The following OR51B5 variants were observed in gnomAD, a reference collection of about 807,000 sequenced individuals.
The protein encoded by OR51B5 is olfactory receptor 51B5.
For missense variants in OR51B5, 456 were observed against 374.6 expected (o/e 1.22, Z -1.79); for synonymous variants, 186 against 144.8 (o/e 1.28, Z -2.04).
intron 1 of OR51B5, among the ~76,000 whole-genome samples, chr11:5,373,187 A>G (rs1849470373): frequency 6.6e-6 from 1 of 152,222 alleles, no homozygotes; most frequent in South Asian, 2.1e-4. Flanking sequence ...ACATAAATGT[A>G]AGACCTGAAA....
chr11:5,505,598 C>A (rs1388824721), exon 1 of OR51B5: 1 of 704,112 alleles, frequency 1.4e-6, no homozygotes, highest in East Asian at 7.3e-5. Flanking sequence ...GGCCTCACAA[C>A]CATGGCCAGG....
chr11:5,404,514 ACTCTGTAAAATGGACCAATCAGTG>A (rs1484115151), intron 1 of OR51B5, among the ~76,000 whole-genome samples: 12 of 151,620 alleles, frequency 7.9e-5, no homozygotes, highest in South Asian at 6.2e-4. Context: ...ACCAATCAGC[ACTCTGTAAAATGGACCAATCAGTG>A]CTCTGTAAAA....
chr11:5,342,159 GAAATTCATA>G (rs1305620142), downstream of OR51B5, among the ~76,000 whole-genome samples: 2 of 152,076 alleles, frequency 1.3e-5, no homozygotes, highest in African/African-American at 4.8e-5. Flanking sequence ...CACCTGCAGA[GAAATTCATA>G]AGAGTTGGAA....
chr11:5,456,489 T>A (rs1850963176), intron 1 of OR51B5: 1 of 152,192 alleles, frequency 6.6e-6, no homozygotes, highest in South Asian at 2.1e-4. Context: ...AACTTCTTTT[T>A]ATTTAACATA....
At chr11:5,465,473 G>C (rs573685468) in intron 1 of OR51B5, among the ~76,000 whole-genome samples, 7 of 151,856 alleles carry the variant, frequency 4.6e-5, no homozygotes, top group African/African-American at 1.4e-4. Context: ...AGTTCATATG[G>C]AACCAAAAAA....
chr11:5,474,909 C>T lies in OR51B5; in HGVS notation n.84+30660G>A, dbSNP rs557872524. Among the ~76,000 whole-genome samples, 8 of 152,238 alleles carry T rather than the reference C, an allele frequency of 5.3e-5. No individual in the cohort carries two copies. In the South Asian group the frequency reaches 1.7e-3, roughly 32 times the overall value. On this transcript the variant is annotated intron_variant and non_coding_transcript_variant, in intron 1 of 4. Coordinates refer to the OR51B5 transcript ENST00000415970. Reference sequence around the variant, plus strand: ...TTTGGGGTGGTAGGAATAGGAACCACTTTAATGGAGAAGAACTAAAATAAT... The same window carrying T: ...TTTGGGGTGGTAGGAATAGGAACCATTTTAATGGAGAAGAACTAAAATAAT...
intron 1 of OR51B5, among the ~76,000 whole-genome samples, chr11:5,378,329 TAA>T (rs1849559011): frequency 2.0e-5 from 3 of 151,922 alleles, no homozygotes; most frequent in Non-Finnish European, 4.4e-5. Flanking sequence ...ATTAAAGACT[TAA>T]ACATTAGACC....
chr11:5,412,755 G>T (rs1481212810), intron 1 of OR51B5, among the ~76,000 whole-genome samples: 1 of 151,934 alleles, frequency 6.6e-6, no homozygotes, highest in South Asian at 2.1e-4. Flanking sequence ...ACCCGCCATT[G>T]CCCAGGCTTG....
chr11:5,483,458 GTAAC>G (rs1851455324), intron 1 of OR51B5, among the ~76,000 whole-genome samples: 1 of 143,656 alleles, frequency 7.0e-6, no homozygotes, highest in Non-Finnish European at 1.5e-5. Context: ...GTATACATGT[GTAAC>G]TAACCTGCAC....
intron 1 of OR51B5, among the ~76,000 whole-genome samples, chr11:5,445,619 T>C (rs1047957650): frequency 6.6e-6 from 1 of 151,420 alleles, no homozygotes; most frequent in Non-Finnish European, 1.5e-5. Context: ...CTAATCCACC[T>C]AACAGGCTAA....
At chr11:5,410,285 A>G (rs912724373) in intron 1 of OR51B5, among the ~76,000 whole-genome samples, 1 of 152,202 alleles carries the variant, frequency 6.6e-6, no homozygotes, top group African/African-American at 2.4e-5. Flanking sequence ...TCTTTGAACT[A>G]TAATTGTGGC....
intron 1 of OR51B5, among the ~76,000 whole-genome samples, chr11:5,410,353 T>C (rs1229538950): frequency 2.6e-5 from 4 of 152,154 alleles, no homozygotes; most frequent in Non-Finnish European, 5.9e-5. Context: ...TGAGCTTCTA[T>C]CTAGCATTAC....
At chr11:5,400,177 A>G (rs1326765028) in intron 1 of OR51B5, among the ~76,000 whole-genome samples, 2 of 152,190 alleles carry the variant, frequency 1.3e-5, no homozygotes, top group Non-Finnish European at 2.9e-5. Context: ...CTACATTTTA[A>G]CATAGCCCAC....
intron 1 of OR51B5, among the ~76,000 whole-genome samples, chr11:5,423,491 T>C (rs964923720): frequency 4.6e-5 from 7 of 152,208 alleles, no homozygotes; most frequent in African/African-American, 1.7e-4. Context: ...CTCCCAGAAG[T>C]TTAAAGGAAA....
chr11:5,389,591 C>A (rs763927513), intron 1 of OR51B5: 3 of 1,613,686 alleles, frequency 1.9e-6, no homozygotes, highest in Admixed American at 3.3e-5. Context: ...TAAGACCAAC[C>A]CTCGTCTGCA....
chr11:5,381,350 C>T (rs1849607202), intron 1 of OR51B5, among the ~76,000 whole-genome samples: 1 of 152,144 alleles, frequency 6.6e-6, no homozygotes, highest in African/African-American at 2.4e-5. Context: ...TGATACTTCA[C>T]CTTCCCCAAC....
At chr11:5,477,126 T>C (rs924258174) in intron 1 of OR51B5, among the ~76,000 whole-genome samples, 3 of 152,212 alleles carry the variant, frequency 2.0e-5, no homozygotes, top group African/African-American at 2.4e-5. Context: ...GTTTATGATA[T>C]GGATTGTAGT....
Position 5,351,715 on chromosome 11 carries a change from G to A in OR51B5, n.85-4805C>T, listed in dbSNP as rs143848596. Reference sequence around the variant, plus strand: ...AGCTATGTTGGCAGCTACAGACCTCGGAGTGACATTGACCACAATGCCCAC... The same window carrying A: ...AGCTATGTTGGCAGCTACAGACCTCAGAGTGACATTGACCACAATGCCCAC... On this transcript the variant is annotated intron_variant and non_coding_transcript_variant, in intron 1 of 4. Transcript: ENST00000415970. 1.4e-4 allele frequency: 221 copies of A among 1,613,960 alleles called. No individual in the cohort carries two copies. In the African/African-American group the frequency reaches 1.4e-3, roughly 10 times the overall value.
At chr11:5,413,826 C>T (rs1327471571) in intron 1 of OR51B5, among the ~76,000 whole-genome samples, 13 of 151,570 alleles carry the variant, frequency 8.6e-5, no homozygotes, top group East Asian at 5.8e-4. Context: ...CTGAAAGTGA[C>T]GGGGAGAATG....
Sources: allele counts gnomAD v4.1 joint callset (sites outside exome capture counted in the v4.1 genomes callset), GRCh38; gene constraint gnomAD v4.1.1; transcripts MANE v1.5; gene names NCBI Gene and HGNC (gene_info 2026-07-23, HGNC 2026-07-21).